The following GAB3 variants were observed in gnomAD, a reference collection of about 807,000 sequenced individuals.
The protein encoded by GAB3 is GRB2-associated-binding protein 3.
In GAB3, 12 loss-of-function variants were observed where a neutral mutation model predicts 40.4. The observed-to-expected ratio is 0.30, with a 90% CI of 0.19 to 0.48. The LOEUF is 0.48. Ranked by LOEUF, GAB3 falls within the 20% of genes least tolerant of loss-of-function variation. The pLI is 0.99. For missense variants in GAB3, 381 were observed against 461.9 expected (o/e 0.82, Z 1.61); for synonymous variants, 154 against 176.7 (o/e 0.87, Z 1.02).
At chrX:154,741,548 C>T (rs1557261267) in intron 1 of GAB3, among the ~76,000 whole-genome samples, 2 of 108,563 alleles carry the variant, frequency 1.8e-5, no homozygotes, top group South Asian at 4.0e-4. Flanking sequence ...CAGTGGCAGG[C>T]GCCTGTAATC....
Position 154,696,004 on chromosome X carries a change from A to G in GAB3, c.1443T>C (p.Phe481=). The change falls in exon 8 of 10, where the codon TTT becomes TTC. Residue 481 remains phenylalanine, a synonymous_variant. Transcript: ENST00000424127. The stretch of plus-strand genomic sequence containing the variant: ...TAATACCATTTCTTTCTGGAGAGAG[A>G]AAGCTGGTTCGACTGCTAAGAATAA... The part of the protein sequence containing the change: ...TRTVPCSRTS[F]LSPERNGINS... 1 of 1,176,558 alleles carries G rather than the reference A, an allele frequency of 8.5e-7. No individual in the cohort carries two copies. The highest frequency in any genetic ancestry group is 1.8e-5 in the South Asian group (1 of 54,801).
chrX:154,747,722 G>C (rs782551580), intron 1 of GAB3, among the ~76,000 whole-genome samples: 3 of 112,081 alleles, frequency 2.7e-5, no homozygotes, highest in Non-Finnish European at 5.6e-5. Context: ...AGGATCACTT[G>C]AGCCCAAGAG....
chrX:154,750,148 AC>A (rs1199144166), intron 1 of GAB3, among the ~76,000 whole-genome samples: 1 of 112,498 alleles, frequency 8.9e-6, no homozygotes, highest in African/African-American at 3.2e-5. Context: ...TTTATATGCA[AC>A]TCCCTGGGGA....
chrX:154,693,074 A>G (rs1201625003), intron 8 of GAB3, among the ~76,000 whole-genome samples: 1 of 112,035 alleles, frequency 8.9e-6, no homozygotes, highest in African/African-American at 3.2e-5. Context: ...GCCCATTAGC[A>G]GATGAATGGA....
At chrX:154,710,115 TTCACA>T (rs2070910486) in intron 4 of GAB3, among the ~76,000 whole-genome samples, 2 of 110,401 alleles carry the variant, frequency 1.8e-5, no homozygotes, top group South Asian at 8.5e-4. Context: ...TGCATATGCA[TTCACA>T]CCTTGAATAT....
intron 4 of GAB3, among the ~76,000 whole-genome samples, chrX:154,700,558 T>G (rs2070726607): frequency 9.0e-6 from 1 of 111,530 alleles, no homozygotes; most frequent in Admixed American, 9.6e-5. Context: ...ATATTAAAAT[T>G]TAGAATAATT....
intron 1 of GAB3, among the ~76,000 whole-genome samples, chrX:154,736,599 C>T (rs1207570895): frequency 1.8e-5 from 2 of 112,107 alleles, no homozygotes; most frequent in African/African-American, 6.5e-5. Context: ...GTGGTGTGTA[C>T]GTATTTTGGT....
intron 9 of GAB3, chrX:154,678,985 C>A (rs1027911884): frequency 2.0e-5 from 5 of 250,562 alleles, no homozygotes; most frequent in South Asian, 1.2e-4. Flanking sequence ...AGATCAAGAT[C>A]ATTTTTTATT....
intron 1 of GAB3, among the ~76,000 whole-genome samples, chrX:154,716,715 A>G (rs1169339907): frequency 2.7e-5 from 3 of 112,536 alleles, no homozygotes; most frequent in African/African-American, 9.7e-5. Flanking sequence ...AGCCAATATC[A>G]TACATTAAAA....
rs182281779 is a variant in GAB3 at position 154,712,778 on chromosome X, C to T, written c.597-77G>A. The T allele has an allele frequency of 1.6e-3, 928 of 586,349 alleles. 3 individuals carry two copies. The highest frequency in any genetic ancestry group is 1.3e-4 in the Non-Finnish European group (52 of 391,882). 48.3% of individuals were successfully genotyped at this position (586,349 alleles called of 1,213,427 possible). A position where few individuals can be genotyped will look rare whatever the true frequency, so the allele number is the denominator to read the frequency against. On this transcript the variant is annotated intron_variant, in intron 3 of 9. Coordinates refer to ENST00000424127, the MANE Select transcript of GAB3 (RefSeq NM_001081573.3). The stretch of plus-strand genomic sequence containing the variant: ...ACAAAACCAACGCTGGCCTCATTCC[C>T]ATCTCCCCAGTACCACCTTGCTTGC...
chrX:154,707,654 T>A (rs782147721), intron 4 of GAB3, among the ~76,000 whole-genome samples: 2 of 111,863 alleles, frequency 1.8e-5, no homozygotes, highest in South Asian at 7.4e-4. Context: ...GATACAAGGA[T>A]CCGTATTGTC....
At chrX:154,689,462 G>A (rs1159461824) in intron 8 of GAB3, among the ~76,000 whole-genome samples, 1 of 111,131 alleles carries the variant, frequency 9.0e-6, no homozygotes, top group Non-Finnish European at 1.9e-5. Flanking sequence ...ATTAGGAAAA[G>A]AGGAAGTCAA....
intron 4 of GAB3, among the ~76,000 whole-genome samples, chrX:154,711,475 G>C (rs148081026): frequency 0.012 from 1,354 of 111,662 alleles, 17 homozygotes; most frequent in African/African-American, 0.043. Flanking sequence ...GAAGGCCAGA[G>C]AGGCCCAGGT....
intron 4 of GAB3, among the ~76,000 whole-genome samples, chrX:154,702,344 C>T (rs1187962516): frequency 2.7e-5 from 3 of 112,255 alleles, no homozygotes; most frequent in Non-Finnish European, 5.6e-5. Flanking sequence ...TATCTCTCAC[C>T]ATATACAAAA....
intron 8 of GAB3, among the ~76,000 whole-genome samples, chrX:154,690,823 C>A (rs1161820989): frequency 2.8e-5 from 3 of 108,915 alleles, no homozygotes; most frequent in Non-Finnish European, 5.7e-5. Context: ...GTTGGTGGGA[C>A]TGTAAACTAG....
At chrX:154,722,410 T>A (rs1304225085) in intron 1 of GAB3, among the ~76,000 whole-genome samples, 1 of 111,858 alleles carries the variant, frequency 8.9e-6, no homozygotes, top group Non-Finnish European at 1.9e-5. Flanking sequence ...CCAACCAGCA[T>A]CTAATGCAAT....
At chrX:154,690,354 T>C (rs781800104) in intron 8 of GAB3, among the ~76,000 whole-genome samples, 2 of 112,216 alleles carry the variant, frequency 1.8e-5, no homozygotes, top group Non-Finnish European at 3.8e-5. Flanking sequence ...GACACAGGCA[T>C]GGGCAAGGAC....
At chrX:154,681,501 C>G (rs2070373647) in intron 8 of GAB3, among the ~76,000 whole-genome samples, 1 of 109,438 alleles carries the variant, frequency 9.1e-6, no homozygotes, top group African/African-American at 3.3e-5. Flanking sequence ...TTCTTACTTA[C>G]CCTTAGTACT....
intron 1 of GAB3, among the ~76,000 whole-genome samples, chrX:154,745,305 C>T (rs1557261877): frequency 9.3e-6 from 1 of 108,083 alleles, no homozygotes; most frequent in Non-Finnish European, 1.9e-5. Context: ...GCACTCCAGC[C>T]TGGGTGACAA....
Sources: gnomAD v4.1 joint callset for allele counts (sites outside exome capture counted in the v4.1 genomes callset) on GRCh38, gnomAD v4.1.1 for gene constraint, MANE v1.5 for transcripts, NCBI Gene and HGNC (gene_info 2026-07-23, HGNC 2026-07-21) for gene names.